The following NUP214 variants were observed in gnomAD, a reference collection of about 807,000 sequenced individuals.
The protein encoded by NUP214 is nucleoporin 214.
Under a neutral mutation model 196.2 loss-of-function variants are expected in NUP214, and 79 were observed. The ratio of observed to expected loss-of-function variants is 0.40; its 90% CI spans 0.34 to 0.49. The LOEUF (loss-of-function observed/expected upper bound fraction) is 0.49. NUP214 is among the 20% of genes least tolerant of loss of function. NUP214 has a pLI of 0.58. For synonymous variants in NUP214, 1,020 were observed against 990.5 expected (o/e 1.03, Z -0.56); for missense variants, 2,468 against 2,539.0 (o/e 0.97, Z 0.60).
chr9:131,189,647 G>A (rs535003489), intron 26 of NUP214, among the ~76,000 whole-genome samples: 16 of 152,222 alleles, frequency 1.1e-4, no homozygotes, highest in East Asian at 9.6e-4. Flanking sequence ...ATGGCTTCAC[G>A]TAACTTCTCC....
chr9:131,131,087 C>CT (rs1054177669), intron 5 of NUP214, among the ~76,000 whole-genome samples: 15 of 151,934 alleles, frequency 9.9e-5, no homozygotes, highest in Admixed American at 8.5e-4. Context: ...TGGGTAGCTG[C>CT]TTTTTTTTTG....
intron 25 of NUP214, among the ~76,000 whole-genome samples, chr9:131,187,638 C>T (rs533371941): frequency 1.2e-4 from 19 of 152,298 alleles, no homozygotes; most frequent in Non-Finnish European, 2.2e-4. Flanking sequence ...CCATCTGCCT[C>T]GGCCTCCCAA....
intron 5 of NUP214, among the ~76,000 whole-genome samples, chr9:131,132,145 G>C (rs1831571114): frequency 1.5e-5 from 1 of 67,308 alleles, no homozygotes. Context: ...TGGAGACCAA[G>C]TTTTGCTTTT....
intron 8 of NUP214, 60 bp downstream of exon 8, chr9:131,135,064 C>G (rs1588124349): frequency 8.8e-7 from 1 of 1,138,704 alleles, no homozygotes; most frequent in East Asian, 2.4e-5. Context: ...ACCTGAGTCA[C>G]CTTGTCCCAT....
intron 17 of NUP214, chr9:131,153,390 T>C (rs1172398490): frequency 6.6e-6 from 1 of 152,174 alleles, no homozygotes; most frequent in Non-Finnish European, 1.5e-5. Context: ...TTCTTCAAGA[T>C]AGATTGCAGA....
intron 22 of NUP214, among the ~76,000 whole-genome samples, chr9:131,174,558 C>T (rs1365171856): frequency 1.4e-5 from 2 of 145,214 alleles, no homozygotes; most frequent in African/African-American, 5.1e-5. Flanking sequence ...AAATGATTCT[C>T]CTGCCTCACC....
chr9:131,130,137 G>GTTTTTTTTTTTTGT lies in NUP214; in HGVS notation c.593-617_593-616insGTTTTTTTTTTTTT, dbSNP rs1831492300. On this transcript the variant is annotated intron_variant, in intron 4 of 35. Coordinates refer to ENST00000359428, the MANE Select transcript of NUP214 (RefSeq NM_005085.4). Reference sequence around the variant, plus strand: ...GAGCAGGAGAATGATTTCTGGTTTTGTTTTTTTTTTTTTGTTTTTTTTTTG... The same window carrying GTTTTTTTTTTTTGT: ...GAGCAGGAGAATGATTTCTGGTTTTGTTTTTTTTTTTTGTTTTTTTTTTTTTTGTTTTTTTTTTG... 3.4e-4 allele frequency among the ~76,000 whole-genome samples: 26 copies of GTTTTTTTTTTTTGT among 76,922 alleles called. 1 individual carries two copies. In the East Asian group the frequency reaches 5.0e-3, roughly 15 times the overall value. The allele number at this position is 76,922 out of a possible 152,430, so 50.5% of individuals were successfully genotyped here.
intron 21 of NUP214, among the ~76,000 whole-genome samples, chr9:131,172,086 G>A (rs1346294888): frequency 6.6e-6 from 1 of 151,242 alleles, no homozygotes; most frequent in Non-Finnish European, 1.5e-5. Flanking sequence ...GGATGGCTGG[G>A]TCAAATGGTA....
chr9:131,148,452 T>C (rs897213750), intron 14 of NUP214, among the ~76,000 whole-genome samples: 36 of 152,220 alleles, frequency 2.4e-4, no homozygotes, highest in African/African-American at 8.4e-4. Flanking sequence ...TGAACACATA[T>C]GCAAGTTTCT....
At chr9:131,128,002 G>C (rs1207611001) in intron 2 of NUP214, among the ~76,000 whole-genome samples, 1 of 152,188 alleles carries the variant, frequency 6.6e-6, no homozygotes, top group Non-Finnish European at 1.5e-5. Context: ...TCTGGGTGAA[G>C]GGTTTTATTG....
intron 25 of NUP214, among the ~76,000 whole-genome samples, 156 bp downstream of exon 25, chr9:131,187,520 G>A (rs1350217624): frequency 2.6e-5 from 4 of 151,262 alleles, no homozygotes; most frequent in Non-Finnish European, 4.4e-5. Context: ...CTGAGTAGTT[G>A]GGATTACAGG....
At chr9:131,133,692 T>C (rs1831630826) in intron 7 of NUP214, 1 of 152,282 alleles carries the variant, frequency 6.6e-6, no homozygotes, top group Admixed American at 6.5e-5. Context: ...GGGTCTAAAA[T>C]TGGAGTGTCC....
intron 11 of NUP214, 105 bp downstream of exon 11, chr9:131,140,815 CA>C: frequency 8.5e-7 from 1 of 1,181,322 alleles, no homozygotes. Flanking sequence ...TTATCTTTAC[CA>C]GCCTGGTCTG....
At position 131,174,135 on chromosome 9, in the gene NUP214, C is replaced by T; in HGVS notation, c.2974C>T (p.Gln992Ter). 6.2e-7 allele frequency: 1 copy of T among 1,613,890 alleles called. No homozygotes were observed. Among genetic ancestry groups the T allele is most frequent in the Non-Finnish European group, 8.5e-7 (1 of 1,179,940 alleles). Residue 992 changes from glutamine to a stop codon, truncating the protein, a stop_gained, in exon 22 of 36, where the codon CAG (glutamine) becomes TAG (stop). Transcript: ENST00000359428. LOFTEE classifies it high-confidence loss of function. The part of the protein sequence containing the change: ...DEVSSTSSVS[Q>*]SLESEDARTS... ...AGTCAGCTCAACGTCATCTGTCTCCCAGTCTCTGGAGAGTGAAGATGCACG... is the reference window on the plus strand; with the variant it reads ...AGTCAGCTCAACGTCATCTGTCTCCTAGTCTCTGGAGAGTGAAGATGCACG...
chr9:131,211,226 CATG>C (rs1834233090), intron 30 of NUP214, among the ~76,000 whole-genome samples: 2 of 152,190 alleles, frequency 1.3e-5, no homozygotes, highest in South Asian at 4.2e-4. Context: ...TGAAATAAAG[CATG>C]ATGTGATAAT....
intron 17 of NUP214, among the ~76,000 whole-genome samples, chr9:131,154,799 T>A (rs1375059983): frequency 6.6e-5 from 10 of 152,230 alleles, no homozygotes. Flanking sequence ...ATTATTTCAT[T>A]CCTTTTTATG....
chr9:131,167,055 A>T (rs191102323), intron 21 of NUP214: 2 of 151,856 alleles, frequency 1.3e-5, no homozygotes, highest in East Asian at 3.9e-4. Flanking sequence ...TGATACTCAA[A>T]TTTTGCCGGC....
intron 31 of NUP214, among the ~76,000 whole-genome samples, chr9:131,216,024 T>C (rs1834383437): frequency 6.7e-6 from 1 of 149,332 alleles, no homozygotes; most frequent in South Asian, 2.2e-4. Flanking sequence ...TGCCTTAGCC[T>C]CCCAGGTAGC....
chr9:131,194,646 A>G (rs546262244), intron 27 of NUP214, among the ~76,000 whole-genome samples: 1 of 152,312 alleles, frequency 6.6e-6, no homozygotes, highest in Admixed American at 6.5e-5. Flanking sequence ...GAGAGAGGAG[A>G]TGGTGAAAGG....
Sources: gnomAD v4.1 joint callset for allele counts (sites outside exome capture counted in the v4.1 genomes callset) on GRCh38, gnomAD v4.1.1 for gene constraint, MANE v1.5 for transcripts, NCBI Gene and HGNC (gene_info 2026-07-23, HGNC 2026-07-21) for gene names.